The following IDH1 variants were observed in gnomAD, a reference collection of about 807,000 sequenced individuals.
IDH1 encodes the protein isocitrate dehydrogenase [NADP] cytoplasmic.
Under a neutral mutation model 46.1 loss-of-function variants are expected in IDH1, and 33 were observed. The observed-to-expected ratio is 0.72, with a 90% confidence interval of 0.54 to 0.96. The LOEUF is 0.96. Among genes scored for constraint, IDH1 ranks in the 40% least tolerant of loss-of-function variants. The probability of loss-of-function intolerance (pLI) is 0.00; values close to 1 mark genes in which losing one functional copy is unlikely to be tolerated. For missense variants in IDH1, 421 were observed against 515.7 expected (o/e 0.82, Z 1.78); for synonymous variants, 144 against 172.8 (o/e 0.83, Z 1.31).
Position 208,240,826 on chromosome 2 carries a change from C to T in IDH1, c.851-823G>A, listed in dbSNP as rs962149142. On this transcript the variant is annotated intron_variant, in intron 7 of 9. Transcript: ENST00000345146. ...ACTCCTTCCTCTGTTGCATTCAGTA[C>T]AAATGATTGTGAGGATGTAGAGAAA... 8.5e-5 allele frequency among the ~76,000 whole-genome samples: 13 copies of T among 152,120 alleles called. 1 individual carries two copies. The highest frequency in any genetic ancestry group is 1.5e-5 in the Non-Finnish European group (1 of 68,020).
At chr2:208,240,149 T>C in intron 7 of IDH1, 146 bp from the exon 8 acceptor site, 1 of 837,416 alleles carries the variant, frequency 1.2e-6, no homozygotes, top group Non-Finnish European at 2.0e-6. Context: ...TAATTCTGCC[T>C]TTCAGAAGGC....
intron 4 of IDH1, chr2:208,247,848 T>C (rs1384908926): frequency 1.0e-4 from 17 of 167,862 alleles, no homozygotes; most frequent in Non-Finnish European, 2.6e-5. Context: ...ATACAATCTT[T>C]GGTGGTTCTC....
At chr2:208,244,379 C>A (rs1198990504) in intron 5 of IDH1, among the ~76,000 whole-genome samples, 1 of 152,212 alleles carries the variant, frequency 6.6e-6, no homozygotes, top group Non-Finnish European at 1.5e-5. Context: ...CCTACCTTTA[C>A]AATTCCCAAC....
intron 9 of IDH1, 56 bp downstream of exon 9, chr2:208,239,015 G>A: frequency 1.4e-6 from 2 of 1,446,210 alleles, no homozygotes; most frequent in Non-Finnish European, 9.7e-7. Context: ...GATGCTCTGA[G>A]CCCAGTGAGG....
chr2:208,253,599 G>A (rs1228765463), intron 2 of IDH1, among the ~76,000 whole-genome samples: 2 of 152,086 alleles, frequency 1.3e-5, no homozygotes, highest in African/African-American at 2.4e-5. Context: ...ATACAGAGTA[G>A]TTTAATGAAA....
chr2:208,243,453 T>C lies in IDH1; in HGVS notation c.672A>G (p.Lys224=). ...TILKKYDGRF[K]DIFQEIYDKQ... is the part of the protein sequence containing the mutation. ...TGTCATATATCTCCTGAAAGATGTC[T>C]TTAAAACGCCCATCATATTTCTTCA... Residue 224 remains lysine (K), a synonymous_variant, in exon 6 of 10, where the codon AAA becomes AAG. Transcript: ENST00000345146. The C allele has an allele frequency of 6.2e-7, 1 of 1,613,860 alleles. No individual in the cohort carries two copies. The highest frequency in any genetic ancestry group is 8.5e-7 in the Non-Finnish European group (1 of 1,179,800).
chr2:208,236,906 C>A lies in IDH1; in HGVS notation c.*173G>T, dbSNP rs1687821445. ...TCCCTTGCCATGTTCACAAAGGTGGCAATAACTGTATATATAAGAAAAAGG... is the reference window on the plus strand; with the variant it reads ...TCCCTTGCCATGTTCACAAAGGTGGAAATAACTGTATATATAAGAAAAAGG... On this transcript the variant is annotated 3_prime_UTR_variant, in exon 10 of 10. Transcript: ENST00000345146. 1 of 585,138 alleles carries A rather than the reference C, an allele frequency of 1.7e-6. No individual in the cohort carries two copies. Among genetic ancestry groups the A allele is most frequent in the South Asian group, 2.2e-5 (1 of 45,340 alleles). The allele number at this position is 585,138 out of a possible 1,614,324, so 36.2% of individuals were successfully genotyped here.
In IDH1 at chr2:208,239,062, T is replaced by C. The variant is rs760003909; in HGVS notation, c.1154+9A>G. On this transcript the variant is annotated intron_variant, in intron 9 of 9. Coordinates refer to ENST00000345146, the MANE Select transcript of IDH1 (RefSeq NM_005896.4). ...TTTGACCATAGAAACTAGGGCATCT[T>C]ATACTTACTTGGGTAAACCTTTAAT... 1 of 1,613,256 alleles carries C rather than the reference T, an allele frequency of 6.2e-7. No individual in the cohort carries two copies. The highest frequency in any genetic ancestry group is 2.2e-5 in the East Asian group (1 of 44,872).
intron 5 of IDH1, among the ~76,000 whole-genome samples, chr2:208,244,489 C>T (rs1161740366): frequency 1.3e-5 from 2 of 152,190 alleles, no homozygotes; most frequent in Non-Finnish European, 2.9e-5. Context: ...CTGGAGGATA[C>T]TGAGCACTCC....
At chr2:208,248,901 A>C (rs1688072250) in intron 3 of IDH1, among the ~76,000 whole-genome samples, 1 of 152,218 alleles carries the variant, frequency 6.6e-6, no homozygotes, top group Non-Finnish European at 1.5e-5. Flanking sequence ...GCTGTCTATC[A>C]GGAAAATGAA....
intron 9 of IDH1, among the ~76,000 whole-genome samples, chr2:208,237,764 C>CAAAAAAAA (rs11433971): frequency 1.0e-5 from 1 of 97,620 alleles, no homozygotes; most frequent in Non-Finnish European, 2.1e-5. Flanking sequence ...ACTAAAAATA[C>CAAAAAAAA]AAAAAAAAAA....
At chr2:208,243,296 T>A in intron 6 of IDH1, 131 bp downstream of exon 6, 1 of 743,462 alleles carries the variant, frequency 1.3e-6, no homozygotes, top group Non-Finnish European at 2.2e-6. Flanking sequence ...AGTTTTGCCC[T>A]TATCTTTAAG....
At chr2:208,244,373 C>G (rs1687978854) in intron 5 of IDH1, among the ~76,000 whole-genome samples, 1 of 152,208 alleles carries the variant, frequency 6.6e-6, no homozygotes, top group South Asian at 2.1e-4. Context: ...AAACACCCTA[C>G]CTTTACAATT....
rs1687819235 is a variant in IDH1 at position 208,236,752 on chromosome 2, A to G, written c.*327T>C. The stretch of plus-strand genomic sequence containing the variant: ...GGGAGCAATACTGTGGCTATCATTT[A>G]CCCTTTTGAGCAATCTTGATTTTGG... On this transcript the variant is annotated 3_prime_UTR_variant, in exon 10 of 10. Transcript: ENST00000345146. The G allele has an allele frequency of 1.1e-5, 4 of 364,484 alleles. No homozygotes were observed. The highest frequency in any genetic ancestry group is 3.7e-5 in the South Asian group (1 of 26,946). The allele number at this position is 364,484 out of a possible 1,614,324, so 22.6% of individuals were successfully genotyped here.
rs2124863764 is a variant in IDH1 at position 208,248,596 on chromosome 2, C to A, written c.187G>T (p.Ala63Ser). Residue 63 changes from alanine (A) to serine (S), a missense_variant, in exon 4 of 10, where the codon GCT (alanine) becomes TCT (serine). Coordinates refer to ENST00000345146, the MANE Select transcript of IDH1 (RefSeq NM_005896.4). Reference protein sequence around the residue: ...NDQVTKDAAEAIKKHNVGVKC... With the variant: ...NDQVTKDAAESIKKHNVGVKC... The stretch of plus-strand genomic sequence containing the variant: ...ACGCCAACATTATGCTTCTTTATAG[C>A]TTCTGCAGCATCCTTGGTGACTTGG... 3 of 1,614,128 alleles carry A rather than the reference C, an allele frequency of 1.9e-6. No homozygotes were observed. The highest frequency in any genetic ancestry group is 2.5e-6 in the Non-Finnish European group (3 of 1,179,966).
At chr2:208,237,743 AC>A (rs1168596792) in intron 9 of IDH1, among the ~76,000 whole-genome samples, 1 of 139,236 alleles carries the variant, frequency 7.2e-6, no homozygotes, top group Non-Finnish European at 1.6e-5. Flanking sequence ...ACAAAGTGAA[AC>A]CCCGTCTCTA....
At chr2:208,246,816 G>A (rs1208377305) in intron 4 of IDH1, among the ~76,000 whole-genome samples, 1 of 152,054 alleles carries the variant, frequency 6.6e-6, no homozygotes, top group Non-Finnish European at 1.5e-5. Flanking sequence ...GGTAGCATGT[G>A]CCTGTAATCC....
chr2:208,237,455 G>C (rs1687832413), intron 9 of IDH1, among the ~76,000 whole-genome samples: 1 of 152,122 alleles, frequency 6.6e-6, no homozygotes, highest in Admixed American at 6.6e-5. Flanking sequence ...TTATCATTGA[G>C]TTTCGGTTCA....
At chr2:208,243,300 C>T (rs909519003) in intron 6 of IDH1, 127 bp downstream of exon 6, 1 of 761,586 alleles carries the variant, frequency 1.3e-6, no homozygotes, top group African/African-American at 1.8e-5. Flanking sequence ...TTGCCCTTAT[C>T]TTTAAGAGAC....
Sources: gnomAD v4.1 joint callset for allele counts (sites outside exome capture counted in the v4.1 genomes callset) on GRCh38, gnomAD v4.1.1 for gene constraint, MANE v1.5 for transcripts, NCBI Gene and HGNC (gene_info 2026-07-23, HGNC 2026-07-21) for gene names.